Variants in PLEKHB2 observed in about 807,000 individuals in gnomAD.
PLEKHB2 encodes pleckstrin homology domain containing B2.
Under a neutral mutation model 36.5 loss-of-function variants are expected in PLEKHB2, and 31 were observed. That is an observed-to-expected ratio of 0.85 (90% confidence interval 0.64 to 1.15). The LOEUF (loss-of-function observed/expected upper bound fraction) is 1.15. PLEKHB2 is among the 50% of genes most tolerant of loss of function. PLEKHB2 has a pLI of 0.00. For synonymous variants in PLEKHB2, 119 were observed against 112.0 expected (o/e 1.06, Z -0.39); for missense variants, 262 against 295.3 (o/e 0.89, Z 0.83).
At position 131,130,760 on chromosome 2, in the gene PLEKHB2, A is replaced by G; in HGVS notation, c.333A>G (p.Thr111=). The change falls in exon 5 of 8, where the codon ACA becomes ACG. Residue 111 remains threonine (T), a splice_region_variant and synonymous_variant. Coordinates refer to ENST00000693505, the MANE Select transcript of PLEKHB2 (RefSeq NM_001100623.2). ...KFTLQDSRTN[T]AYVGSAVMTD... is the part of the protein sequence containing the mutation. The stretch of plus-strand genomic sequence containing the variant: ...CACTCCAAGATTCTAGGACAAACAC[A>G]GTAAGTTGCTAATGGCAATCACCAA... 6.2e-7 allele frequency: 1 copy of G among 1,607,984 alleles called. No individual in the cohort carries two copies. The highest frequency in any genetic ancestry group is 8.5e-7 in the Non-Finnish European group (1 of 1,175,270).
At chr2:131,118,895 AAAAG>A (rs1696170282) in intron 1 of PLEKHB2, 1 of 143,944 alleles carries the variant, frequency 6.9e-6, no homozygotes, top group African/African-American at 2.7e-5. Flanking sequence ...AAAAAAAAAA[AAAAG>A]CTAAAGCAGA....
In PLEKHB2 at chr2:131,137,760, ATTTC is replaced by A. The variant is rs1378628466; in HGVS notation, c.424-2402_424-2399del. Among the ~76,000 whole-genome samples, 10 of 151,562 alleles carry A rather than the reference ATTTC, an allele frequency of 6.6e-5. No individual in the cohort carries two copies. The East Asian group carries it at 1.9e-3, about 29-fold the overall frequency. On this transcript the variant is annotated intron_variant, in intron 6 of 7. Transcript: ENST00000693505. The stretch of plus-strand genomic sequence containing the variant: ...TCAATTTCATTGATTCTATTCTTTT[ATTTC>A]TTTCCTTCTGCTTGCTCTGTGGACT...
At position 131,105,383 on chromosome 2, in the gene PLEKHB2, C is replaced by G. The variant is rs1162923534; in HGVS notation, c.-24C>G. 2.6e-5 allele frequency: 4 copies of G among 152,358 alleles called. No individual in the cohort carries two copies. The highest frequency in any genetic ancestry group is 9.6e-5 in the African/African-American group (4 of 41,456). 9.4% of individuals were successfully genotyped at this position (152,358 alleles called of 1,614,324 possible). ...AATCGCCGTGGCGTCTTGGTGTTCT[C>G]CACGCTGGTTCGCAGGTGAGTGTCC... On this transcript the variant is annotated 5_prime_UTR_variant, in exon 1 of 8. Coordinates refer to ENST00000693505, the MANE Select transcript of PLEKHB2 (RefSeq NM_001100623.2).
chr2:131,124,245 G>C (rs1055977272), intron 2 of PLEKHB2, among the ~76,000 whole-genome samples: 2 of 152,202 alleles, frequency 1.3e-5, no homozygotes, highest in African/African-American at 4.8e-5. Flanking sequence ...CTGGTGAGGA[G>C]AGTGCCTGAT....
intron 7 of PLEKHB2, 28 bp downstream of exon 7, chr2:131,140,303 A>G: frequency 8.4e-7 from 1 of 1,196,608 alleles, no homozygotes; most frequent in Non-Finnish European, 1.2e-6. Flanking sequence ...TTCATTCCTC[A>G]TTTCTCTCCA....
intron 1 of PLEKHB2, among the ~76,000 whole-genome samples, chr2:131,110,195 A>C (rs1238737756): frequency 1.3e-5 from 2 of 152,182 alleles, no homozygotes; most frequent in Non-Finnish European, 2.9e-5. Context: ...ACTTTTGATC[A>C]TAGAAGACTT....
intron 1 of PLEKHB2, 40 bp from the exon 2 acceptor site, chr2:131,120,894 T>C (rs1318319242): frequency 6.2e-7 from 1 of 1,602,034 alleles, no homozygotes; most frequent in South Asian, 1.1e-5. Context: ...CTATTCTCTT[T>C]CTGGGTATGA....
At chr2:131,143,517 A>C (rs1213164014) in intron 7 of PLEKHB2, among the ~76,000 whole-genome samples, 2 of 152,160 alleles carry the variant, frequency 1.3e-5, no homozygotes, top group Non-Finnish European at 2.9e-5. Flanking sequence ...TATTACATTA[A>C]ATCTGGATAG....
chr2:131,110,724 G>A (rs982138852), intron 1 of PLEKHB2, among the ~76,000 whole-genome samples: 3 of 151,918 alleles, frequency 2.0e-5, no homozygotes, highest in African/African-American at 7.3e-5. Context: ...ATAATTTTCC[G>A]TTAGCATTTT....
chr2:131,131,569 C>T (rs188283405), intron 5 of PLEKHB2, among the ~76,000 whole-genome samples: 14 of 152,198 alleles, frequency 9.2e-5, no homozygotes, highest in Admixed American at 7.8e-4. Context: ...GGATTTTTCT[C>T]TCCTTTATTA....
chr2:131,140,689 G>A (rs372090893), intron 7 of PLEKHB2, among the ~76,000 whole-genome samples: 1 of 152,216 alleles, frequency 6.6e-6, no homozygotes, highest in African/African-American at 2.4e-5. Flanking sequence ...GGAAGGGCTT[G>A]TATTTATTCT....
intron 1 of PLEKHB2, among the ~76,000 whole-genome samples, chr2:131,109,232 C>T (rs1239860103): frequency 1.3e-5 from 2 of 152,146 alleles, no homozygotes; most frequent in Non-Finnish European, 2.9e-5. Flanking sequence ...AAGATACTCT[C>T]TAAATTTCTC....
intron 6 of PLEKHB2, among the ~76,000 whole-genome samples, chr2:131,133,778 C>A (rs953134269): frequency 7.0e-4 from 106 of 152,162 alleles, no homozygotes; most frequent in African/African-American, 2.4e-3. Context: ...ATCATTTCAA[C>A]AATGTCATAT....
chr2:131,130,301 C>T (rs1697549188), intron 4 of PLEKHB2, among the ~76,000 whole-genome samples: 1 of 152,178 alleles, frequency 6.6e-6, no homozygotes, highest in East Asian at 1.9e-4. Flanking sequence ...GCCTTGGCCT[C>T]CCATAGTGCT....
chr2:131,134,927 C>T (rs2104925887), intron 6 of PLEKHB2, among the ~76,000 whole-genome samples: 1 of 152,110 alleles, frequency 6.6e-6, no homozygotes, highest in Non-Finnish European at 1.5e-5. Flanking sequence ...ATAAAAATCC[C>T]ATACATGTTT....
chr2:131,106,115 G>C (rs532169602), intron 1 of PLEKHB2, among the ~76,000 whole-genome samples: 1 of 152,178 alleles, frequency 6.6e-6, no homozygotes, highest in South Asian at 2.1e-4. Flanking sequence ...GAAAACTCCG[G>C]AGGTCAGGGA....
In PLEKHB2 at chr2:131,146,630, C is replaced by T. The variant is rs112876242; in HGVS notation, c.533-7C>T. On this transcript the variant is annotated splice_region_variant and splice_polypyrimidine_tract_variant and intron_variant, in intron 7 of 7. Coordinates refer to ENST00000693505, the MANE Select transcript of PLEKHB2 (RefSeq NM_001100623.2). Reference sequence around the variant, plus strand: ...CTCAGAAATCTGCTATTTTCCTTCTCTTTTAGGACTTTATGGACAGCAGCC... The same window carrying T: ...CTCAGAAATCTGCTATTTTCCTTCTTTTTTAGGACTTTATGGACAGCAGCC... 4.5e-5 allele frequency: 72 copies of T among 1,607,096 alleles called. No individual in the cohort carries two copies. The African/African-American group carries it at 4.6e-4, about 10-fold the overall frequency.
At chr2:131,137,083 A>C (rs1030064748) in intron 6 of PLEKHB2, among the ~76,000 whole-genome samples, 8 of 150,932 alleles carry the variant, frequency 5.3e-5, no homozygotes, top group African/African-American at 2.0e-4. Flanking sequence ...AGTAGCGGGG[A>C]CTACAGGCGC....
Position 131,149,725 on chromosome 2 carries a change from G to A in PLEKHB2, c.*2952G>A, listed in dbSNP as rs1361365091. 6.6e-6 allele frequency: 1 copy of A among 152,198 alleles called. No homozygotes were observed. Among genetic ancestry groups the A allele is most frequent in the East Asian group, 1.9e-4 (1 of 5,204 alleles). 9.4% of individuals were successfully genotyped at this position (152,198 alleles called of 1,614,324 possible). On this transcript the variant is annotated 3_prime_UTR_variant, in exon 8 of 8. Coordinates refer to ENST00000693505, the MANE Select transcript of PLEKHB2 (RefSeq NM_001100623.2). ...TTCTCCCCAGAGTTGATCTTTTTGTGATTGCTTTCCCGTCTCTAGTAGTAT... is the reference window on the plus strand; with the variant it reads ...TTCTCCCCAGAGTTGATCTTTTTGTAATTGCTTTCCCGTCTCTAGTAGTAT...
Sources: allele counts gnomAD v4.1 joint callset (sites outside exome capture counted in the v4.1 genomes callset), GRCh38; gene constraint gnomAD v4.1.1; transcripts MANE v1.5; gene names NCBI Gene and HGNC (gene_info 2026-07-23, HGNC 2026-07-21).